Variants in ATP2B2 observed in about 807,000 individuals in gnomAD.
The protein encoded by ATP2B2 is ATPase plasma membrane Ca2+ transporting 2.
In ATP2B2, 15 loss-of-function variants were observed where a neutral mutation model predicts 120.0. The observed-to-expected ratio is 0.12, with a 90% CI of 0.08 to 0.19. ATP2B2 has a LOEUF of 0.19. Among genes scored for constraint, ATP2B2 ranks in the 10% least tolerant of loss-of-function variants. The pLI is 1.00. For synonymous variants in ATP2B2, 694 were observed against 700.3 expected (o/e 0.99, Z 0.14); for missense variants, 1,045 against 1,719.8 (o/e 0.61, Z 6.94).
At chr3:10,419,636 A>G (rs1051178884) in intron 2 of ATP2B2, among the ~76,000 whole-genome samples, 1 of 152,182 alleles carries the variant, frequency 6.6e-6, no homozygotes, top group Admixed American at 6.5e-5. Flanking sequence ...TCACTTGAGG[A>G]TCACACAGAA....
chr3:10,456,540 G>A (rs2064267473), intron 1 of ATP2B2, among the ~76,000 whole-genome samples: 1 of 152,222 alleles, frequency 6.6e-6, no homozygotes, highest in Admixed American at 6.5e-5. Flanking sequence ...AGCTAGCACA[G>A]TTTCTGGCAA....
intron 1 of ATP2B2, among the ~76,000 whole-genome samples, chr3:10,651,776 G>C (rs1008464010): frequency 6.6e-6 from 1 of 151,994 alleles, no homozygotes; most frequent in African/African-American, 2.4e-5. Flanking sequence ...TGGATGGATA[G>C]ATGGATGGAT....
chr3:10,646,753 CCAA>C (rs920697512), intron 1 of ATP2B2, among the ~76,000 whole-genome samples: 2 of 152,222 alleles, frequency 1.3e-5, no homozygotes, highest in South Asian at 2.1e-4. Context: ...TAGAGAAAAA[CCAA>C]CAACAAGCCC....
In ATP2B2 at chr3:10,670,202, G is replaced by C. The variant is rs368859178; in HGVS notation, c.-460+37713C>G. Among the ~76,000 whole-genome samples the C allele has an allele frequency of 2.0e-4, 31 of 152,298 alleles. No individual in the cohort carries two copies. The East Asian group carries it at 5.2e-3, about 26-fold the overall frequency. ...GCACGGTAATGATGCCCTCTTTGCT[G>C]GGCTGAACTAGCCTTCGCTGGAGGA... is the stretch of plus-strand genomic sequence containing the variant. On this transcript the variant is annotated intron_variant, in intron 1 of 21. Transcript: ENST00000646379.
chr3:10,471,090 C>T (rs542333684), intron 1 of ATP2B2, among the ~76,000 whole-genome samples: 7 of 152,316 alleles, frequency 4.6e-5, no homozygotes, highest in South Asian at 2.1e-4. Context: ...CCCAATAACC[C>T]GATCCGCAGT....
At chr3:10,629,304 G>A (rs371964383) in intron 1 of ATP2B2, among the ~76,000 whole-genome samples, 2 of 152,140 alleles carry the variant, frequency 1.3e-5, no homozygotes, top group African/African-American at 4.8e-5. Flanking sequence ...CTCTGCACAC[G>A]TCTACAAATC....
intron 1 of ATP2B2, among the ~76,000 whole-genome samples, chr3:10,503,557 C>T (rs1205976295): frequency 6.6e-6 from 1 of 152,256 alleles, no homozygotes; most frequent in East Asian, 1.9e-4. Flanking sequence ...CTCCCTAGCA[C>T]CCACAGAGCC....
At chr3:10,569,141 C>G (rs1459513704) in intron 2 of ATP2B2, among the ~76,000 whole-genome samples, 1 of 152,080 alleles carries the variant, frequency 6.6e-6, no homozygotes, top group East Asian at 1.9e-4. Flanking sequence ...CAGAGCCAAG[C>G]GTCAAGTCCT....
chr3:10,355,584 G>A (rs2060692119), intron 14 of ATP2B2, among the ~76,000 whole-genome samples: 1 of 152,182 alleles, frequency 6.6e-6, no homozygotes, highest in South Asian at 2.1e-4. Context: ...GAGGGAAGTG[G>A]CTCGTTAGCG....
At chr3:10,493,463 G>T (rs1030955836) in intron 1 of ATP2B2, among the ~76,000 whole-genome samples, 4 of 152,166 alleles carry the variant, frequency 2.6e-5, no homozygotes, top group Non-Finnish European at 5.9e-5. Flanking sequence ...CCAGGAGAGG[G>T]GTGGGGAATG....
rs1189624120 is a variant in ATP2B2, at chr3:10,347,425, T to C, written c.2405-1288A>G. Among the ~76,000 whole-genome samples, 1 of 152,198 alleles carries C rather than the reference T, an allele frequency of 6.6e-6. No homozygotes were observed. The highest frequency in any genetic ancestry group is 1.5e-5 in the Non-Finnish European group (1 of 68,034). The stretch of plus-strand genomic sequence containing the variant: ...GCTCCATCCTTGCGCATCTCTCTGC[T>C]CTGTGCCTAGCAGACGGCAGCAGCC... On this transcript the variant is annotated intron_variant, in intron 16 of 22. Transcript: ENST00000360273. This position sits in a 1 kb window ranked among gnomAD's most constrained non-coding sequence, Gnocchi z 5.2.
At chr3:10,572,405 T>C (rs1282296035) in intron 2 of ATP2B2, among the ~76,000 whole-genome samples, 1 of 152,118 alleles carries the variant, frequency 6.6e-6, no homozygotes, top group Non-Finnish European at 1.5e-5. Flanking sequence ...TTGGGGAAGA[T>C]GAAAAATTTG....
At chr3:10,466,920 G>A (rs1333736693) in intron 1 of ATP2B2, among the ~76,000 whole-genome samples, 3 of 152,242 alleles carry the variant, frequency 2.0e-5, no homozygotes, top group Non-Finnish European at 4.4e-5. Context: ...AGCAGAGCAT[G>A]CGGCCCCACA....
chr3:10,537,312 AGTCTTCC>A (rs1163703743), intron 2 of ATP2B2, among the ~76,000 whole-genome samples: 4 of 152,172 alleles, frequency 2.6e-5, no homozygotes, highest in Non-Finnish European at 4.4e-5. Flanking sequence ...TGCTATGTTA[AGTCTTCC>A]AATCCATGAA....
chr3:10,419,666 T>C (rs2062906413), intron 2 of ATP2B2, among the ~76,000 whole-genome samples: 1 of 152,164 alleles, frequency 6.6e-6, no homozygotes, highest in African/African-American at 2.4e-5. Flanking sequence ...TGACAGTGCT[T>C]TGTAGATGGT....
intron 2 of ATP2B2, among the ~76,000 whole-genome samples, chr3:10,435,425 T>C (rs1005122117): frequency 2.0e-5 from 3 of 152,146 alleles, no homozygotes; most frequent in Admixed American, 2.0e-4. Context: ...CAGTCAATCA[T>C]GAATTCACTA....
intron 1 of ATP2B2, among the ~76,000 whole-genome samples, chr3:10,654,971 G>A (rs1232437317): frequency 6.6e-6 from 1 of 152,118 alleles, no homozygotes; most frequent in Admixed American, 6.5e-5. Context: ...GGCTGTCAGC[G>A]GGGGCCTCTC....
At chr3:10,359,616 G>T (rs536800250) in intron 13 of ATP2B2, among the ~76,000 whole-genome samples, 4 of 152,344 alleles carry the variant, frequency 2.6e-5, no homozygotes, top group African/African-American at 9.6e-5. Flanking sequence ...GCGGCTTAGG[G>T]AGGAGAAGGG....
intron 1 of ATP2B2, among the ~76,000 whole-genome samples, chr3:10,662,187 T>C (rs940498770): frequency 2.0e-5 from 3 of 151,460 alleles, no homozygotes; most frequent in African/African-American, 7.3e-5. Flanking sequence ...GACATAGGCA[T>C]AGGCATGTCT....
Sources: gnomAD v4.1 joint callset for allele counts (sites outside exome capture counted in the v4.1 genomes callset) on GRCh38, gnomAD v4.1.1 for gene constraint, Gnocchi (gnomAD v3.1) non-coding constraint, MANE v1.5 for transcripts, NCBI Gene and HGNC (gene_info 2026-07-23, HGNC 2026-07-21) for gene names.